The following KDM5B variants were observed in gnomAD, a reference collection of about 807,000 sequenced individuals.
KDM5B encodes the protein lysine-specific demethylase 5B.
Under a neutral mutation model 193.4 loss-of-function variants are expected in KDM5B, and 144 were observed. The ratio of observed to expected loss-of-function variants is 0.74; its 90% CI spans 0.65 to 0.86. KDM5B has a LOEUF of 0.86. KDM5B is among the 40% of genes least tolerant of loss of function. The pLI is 0.00. For missense variants in KDM5B, 1,833 were observed against 1,886.9 expected (o/e 0.97, Z 0.53); for synonymous variants, 668 against 682.6 (o/e 0.98, Z 0.33).
intron 1 of KDM5B, among the ~76,000 whole-genome samples, chr1:202,792,903 A>G (rs1303581113): frequency 2.0e-5 from 3 of 151,644 alleles, no homozygotes; most frequent in Non-Finnish European, 4.4e-5. Context: ...AGGCTGAGGC[A>G]GGAGAATCGC....
chr1:202,733,973 G>A, intron 22 of KDM5B, 87 bp from the exon 23 acceptor site: 1 of 1,449,772 alleles, frequency 6.9e-7, no homozygotes, highest in Non-Finnish European at 9.3e-7. Context: ...AAGAGCATGG[G>A]ATCCTGAGTA....
chr1:202,739,956 T>C (rs1313843107), intron 20 of KDM5B, among the ~76,000 whole-genome samples: 2 of 152,196 alleles, frequency 1.3e-5, no homozygotes, highest in Non-Finnish European at 2.9e-5. Flanking sequence ...AAACCGCCAT[T>C]GTCATCCCGG....
Position 202,764,071 on chromosome 1 carries a change from A to C in KDM5B, c.786T>G (p.Cys262Trp). Reference sequence around the variant, plus strand: ...TACCATTTTCACATTTTGGAGTTGGACAACCCATTCGACGTCTCAGATTAT... The same window carrying C: ...TACCATTTTCACATTTTGGAGTTGGCCAACCCATTCGACGTCTCAGATTAT... ...RTHNLRRRMG[C>W]PTPKCENEKE... Residue 262 changes from cysteine (C) to tryptophan (W), a missense_variant, in exon 6 of 27, where the codon TGT (cysteine) becomes TGG (tryptophan). Transcript: ENST00000367265. 1 of 1,576,574 alleles carries C rather than the reference A, an allele frequency of 6.3e-7. No individual in the cohort carries two copies. The highest frequency in any genetic ancestry group is 1.4e-5 in the African/African-American group (1 of 73,632).
chr1:202,731,847 T>G lies in KDM5B; in HGVS notation c.4002A>C (p.Arg1334=). 1 of 1,611,758 alleles carries G rather than the reference T, an allele frequency of 6.2e-7. No homozygotes were observed. The highest frequency in any genetic ancestry group is 2.2e-5 in the East Asian group (1 of 44,856). The change falls in exon 24 of 27, where the codon CGA becomes CGC. Residue 1334 remains arginine, a synonymous_variant. Coordinates refer to ENST00000367265, the MANE Select transcript of KDM5B (RefSeq NM_006618.5). The part of the protein sequence containing the change: ...SYLHSPFSTG[R]SCIPLHGVSP... The stretch of plus-strand genomic sequence containing the variant: ...ACAAACCATGGAGGGGGATACAACT[T>G]CGTCCAGTTGAGAAGGGGGAGTGCA...
intron 1 of KDM5B, among the ~76,000 whole-genome samples, chr1:202,795,030 T>C (rs1162798089): frequency 6.6e-6 from 1 of 151,694 alleles, no homozygotes; most frequent in Non-Finnish European, 1.5e-5. Flanking sequence ...CTGGCCAACA[T>C]GGTAAAACCC....
In KDM5B at chr1:202,740,781, C is replaced by T; in HGVS notation, c.2977G>A (p.Ala993Thr). 1 of 1,612,558 alleles carries T rather than the reference C, an allele frequency of 6.2e-7. No homozygotes were observed. Residue 993 changes from alanine (A) to threonine (T), a missense_variant, in exon 20 of 27, where the codon GCA (alanine) becomes ACA (threonine). By Grantham distance (58) the Ala-to-Thr change is moderately conservative. Around this residue, in one of 3 missense-constraint regions of KDM5B, gnomAD observed 1,379 missense variants for 1,349.6 expected, o/e 1.02. Transcript: ENST00000367265. ...GGGATCTCTTCGATTTCCTTTACTG[C>T]CGTAGCAAGGCTATTCAATGAATGT... ...PRHSLNSLAT[A>T]VKEIEEIPAY...
intron 4 of KDM5B, among the ~76,000 whole-genome samples, chr1:202,771,211 T>G (rs1656699764): frequency 1.3e-5 from 2 of 152,134 alleles, no homozygotes; most frequent in Admixed American, 1.3e-4. Flanking sequence ...ATTTTTTATT[T>G]TTTATGTTTG....
chr1:202,736,121 A>C (rs1180479956), intron 21 of KDM5B, 92 bp downstream of exon 21: 2 of 925,518 alleles, frequency 2.2e-6, no homozygotes, highest in East Asian at 2.8e-5. Flanking sequence ...AATATAGATT[A>C]ATCTGTGATG....
rs1227101869 is a variant in KDM5B at position 202,726,704 on chromosome 1, C to G, written c.*2332G>C. ...TGGTACAGGCCAGCTTCACAGCTAACACACAATGAAACATGGTTTTTAGAT... is the reference window on the plus strand; with the variant it reads ...TGGTACAGGCCAGCTTCACAGCTAAGACACAATGAAACATGGTTTTTAGAT... On this transcript the variant is annotated 3_prime_UTR_variant, in exon 27 of 27. Transcript: ENST00000367265. The G allele has an allele frequency of 6.6e-6, 1 of 152,190 alleles. No individual in the cohort carries two copies. Among genetic ancestry groups the G allele is most frequent in the Non-Finnish European group, 1.5e-5 (1 of 68,042 alleles). 9.4% of individuals were successfully genotyped at this position (152,190 alleles called of 1,614,324 possible). A position where few individuals can be genotyped will look rare whatever the true frequency, so the allele number is the denominator to read the frequency against.
At chr1:202,735,983 TC>T (rs1182986149) in intron 21 of KDM5B, among the ~76,000 whole-genome samples, 2 of 152,312 alleles carry the variant, frequency 1.3e-5, no homozygotes, top group East Asian at 3.9e-4. Flanking sequence ...CAGAGGAATT[TC>T]ACCCAATAGG....
At chr1:202,778,692 A>G (rs2102307408) in intron 1 of KDM5B, among the ~76,000 whole-genome samples, 1 of 152,234 alleles carries the variant, frequency 6.6e-6, no homozygotes, top group African/African-American at 2.4e-5. Flanking sequence ...ACGTGACCTC[A>G]GCTCGCTGCA....
At chr1:202,729,604 A>C in intron 26 of KDM5B, 103 bp downstream of exon 26, 1 of 968,204 alleles carries the variant, frequency 1.0e-6, no homozygotes, top group Non-Finnish European at 1.5e-6. Context: ...AGATCAGCTC[A>C]AAGCAGATAA....
chr1:202,786,811 T>C (rs1257798985), intron 1 of KDM5B, among the ~76,000 whole-genome samples: 2 of 151,666 alleles, frequency 1.3e-5, no homozygotes, highest in Admixed American at 6.6e-5. Context: ...CTTTGGGAGG[T>C]TGAAGTGGGT....
chr1:202,756,265 T>G, intron 10 of KDM5B, 93 bp downstream of exon 10: 2 of 1,050,946 alleles, frequency 1.9e-6, no homozygotes. Context: ...ATCTGGTAAT[T>G]AAGGATTTGC....
intron 1 of KDM5B, among the ~76,000 whole-genome samples, chr1:202,786,772 C>G (rs1445509575): frequency 6.6e-6 from 1 of 152,098 alleles, no homozygotes; most frequent in Non-Finnish European, 1.5e-5. Context: ...ATTGGCCGGG[C>G]GTGGTGGCTC....
chr1:202,748,370 A>C (rs1200918061), intron 14 of KDM5B, among the ~76,000 whole-genome samples: 1 of 152,206 alleles, frequency 6.6e-6, no homozygotes, highest in Non-Finnish European at 1.5e-5. Context: ...AAACCAAAAA[A>C]ACATGATTCA....
intron 1 of KDM5B, among the ~76,000 whole-genome samples, chr1:202,781,138 C>T (rs187821584): frequency 1.6e-3 from 243 of 152,120 alleles, no homozygotes; most frequent in African/African-American, 5.5e-3. Context: ...TCCGTCTCTA[C>T]CAAAAAATGT....
At chr1:202,773,399 GT>G (rs747735715) in intron 3 of KDM5B, 111 bp from the exon 4 acceptor site, 10 of 816,790 alleles carry the variant, frequency 1.2e-5, no homozygotes, top group Middle Eastern at 5.3e-4. Flanking sequence ...TTAAAAACAT[GT>G]TTTGCCAATC....
rs1656318608 is a variant in KDM5B, at chr1:202,763,143, A to AC, written c.809-336dup. On this transcript the variant is annotated intron_variant, in intron 6 of 26. Coordinates refer to ENST00000367265, the MANE Select transcript of KDM5B (RefSeq NM_006618.5). ...TTCCTGTTGGCCATGACTACAAGAG[A>AC]CCAACAGTTCACCAACTATATCTCC... is the stretch of plus-strand genomic sequence containing the variant. Among the ~76,000 whole-genome samples the AC allele has an allele frequency of 5.9e-5, 9 of 152,268 alleles. No individual in the cohort carries two copies. The South Asian group carries it at 1.9e-3, about 32-fold the overall frequency.
Sources: gnomAD v4.1 joint callset for allele counts (sites outside exome capture counted in the v4.1 genomes callset) on GRCh38, gnomAD v4.1.1 for gene constraint, gnomAD v4.1.1 regional missense constraint, MANE v1.5 for transcripts, NCBI Gene and HGNC (gene_info 2026-07-23, HGNC 2026-07-21) for gene names.